The following ACTL6A variants were observed in gnomAD, a reference collection of about 807,000 sequenced individuals.
The protein encoded by ACTL6A is actin-like protein 6A.
A neutral mutation model predicts 59.2 loss-of-function variants in ACTL6A; 5 were observed. The observed-to-expected ratio is 0.08, with a 90% CI of 0.04 to 0.18. The LOEUF (loss-of-function observed/expected upper bound fraction) is 0.18, where lower values mean the gene tolerates loss of function less well. Among genes scored for constraint, ACTL6A ranks in the 10% least tolerant of loss-of-function variants. The pLI, the probability that ACTL6A is intolerant of heterozygous loss-of-function variation, is 1.00. For synonymous variants in ACTL6A, 154 were observed against 171.8 expected (o/e 0.90, Z 0.81); for missense variants, 285 against 526.9 (o/e 0.54, Z 4.49).
intron 5 of ACTL6A, 60 bp downstream of exon 5, chr3:179,574,527 T>C (rs1718108581): frequency 8.3e-7 from 1 of 1,207,802 alleles, no homozygotes; most frequent in Non-Finnish European, 1.2e-6. Context: ...ATGAATATGA[T>C]AACTCTGGGA....
chr3:179,585,408 CTAA>C (rs1410483634), intron 12 of ACTL6A, among the ~76,000 whole-genome samples: 1 of 152,110 alleles, frequency 6.6e-6, no homozygotes, highest in Non-Finnish European at 1.5e-5. Context: ...GTCTATAATA[CTAA>C]TGATTAGATT....
chr3:179,568,263 T>G (rs1172355792), intron 1 of ACTL6A, among the ~76,000 whole-genome samples: 3 of 152,128 alleles, frequency 2.0e-5, no homozygotes, highest in African/African-American at 7.2e-5. Context: ...TTTAAAAATT[T>G]TAAGTTTTTG....
chr3:179,565,470 GTATATAT>G (rs544338849), intron 1 of ACTL6A, among the ~76,000 whole-genome samples: 278 of 148,906 alleles, frequency 1.9e-3, no homozygotes, highest in African/African-American at 6.3e-3. Flanking sequence ...CATATATGTT[GTATATAT>G]TATATATTAT....
chr3:179,571,640 C>T (rs1718011865), intron 3 of ACTL6A, among the ~76,000 whole-genome samples: 1 of 152,172 alleles, frequency 6.6e-6, no homozygotes, highest in Non-Finnish European at 1.5e-5. Context: ...AGAGTCTTCT[C>T]ACAGTGGAGT....
intron 1 of ACTL6A, among the ~76,000 whole-genome samples, chr3:179,565,084 G>A (rs983202315): frequency 3.3e-5 from 5 of 152,082 alleles, no homozygotes; most frequent in African/African-American, 1.2e-4. Flanking sequence ...GGTGCATCAT[G>A]TAGTTGATAG....
chr3:179,580,000 T>G (rs1008416107), intron 8 of ACTL6A, among the ~76,000 whole-genome samples: 1 of 152,176 alleles, frequency 6.6e-6, no homozygotes, highest in African/African-American at 2.4e-5. Context: ...CTTGAACTCC[T>G]GGCCTCAAGC....
chr3:179,572,676 G>A (rs1168035349), intron 3 of ACTL6A, among the ~76,000 whole-genome samples: 3 of 152,052 alleles, frequency 2.0e-5, no homozygotes, highest in African/African-American at 7.2e-5. Context: ...ACGGTGGCGG[G>A]CACCTGTAAT....
intron 7 of ACTL6A, 43 bp from the exon 8 acceptor site, chr3:179,576,781 A>G (rs535487799): frequency 1.4e-5 from 22 of 1,609,656 alleles, no homozygotes; most frequent in South Asian, 1.1e-4. Context: ...CCCCACCCCT[A>G]TGAAGTGAAC....
rs779993220 is a variant in ACTL6A, at chr3:179,570,237, G to A, written c.273G>A (p.Gly91=). ...NMEAISPLKN[G]MVEDWDSFQA... is the part of the protein sequence containing the mutation. Reference sequence around the variant, plus strand: ...AGGCCATTTCACCTCTAAAAAATGGGATGGGTATGATGTTTTCCCCATGGA... The same window carrying A: ...AGGCCATTTCACCTCTAAAAAATGGAATGGGTATGATGTTTTCCCCATGGA... The change falls in exon 3 of 14, where the codon GGG becomes GGA. Residue 91 remains glycine, a synonymous_variant. Transcript: ENST00000429709. The surrounding 1 kb of genome is among the most constrained non-coding windows in gnomAD (Gnocchi z 4.3). 4 of 1,611,010 alleles carry A rather than the reference G, an allele frequency of 2.5e-6. No homozygotes were observed. In the Admixed American group the frequency reaches 5.1e-5, roughly 20 times the overall value.
intron 1 of ACTL6A, among the ~76,000 whole-genome samples, chr3:179,568,168 C>T (rs1717894826): frequency 6.9e-6 from 1 of 144,980 alleles, no homozygotes; most frequent in African/African-American, 2.6e-5. Flanking sequence ...CAGCAAGACT[C>T]CGTGTCAAAA....
Position 179,569,856 on chromosome 3 carries a change from T to A in ACTL6A, c.58T>A (p.Ser20Thr), listed in dbSNP as rs1717949572. 3 of 1,614,196 alleles carry A rather than the reference T, an allele frequency of 1.9e-6. No individual in the cohort carries two copies. The East Asian group carries it at 6.7e-5, about 36-fold the overall frequency. Residue 20 changes from serine to threonine, a missense_variant, in exon 2 of 14, where the codon TCC becomes ACC. Coordinates refer to ENST00000429709, the MANE Select transcript of ACTL6A (RefSeq NM_004301.5). ...TGGAGCCCTTGTTTTTGACATTGGA[T>A]CCTATACTGTGAGAGCTGGTTATGC... ...EVGALVFDIG[S>T]YTVRAGYAGE...
intron 8 of ACTL6A, among the ~76,000 whole-genome samples, chr3:179,577,876 T>C (rs191422295): frequency 2.3e-4 from 35 of 152,210 alleles, no homozygotes; most frequent in Admixed American, 1.1e-3. Flanking sequence ...ATTTTCTTAA[T>C]CCAGTCTTCC....
At chr3:179,583,500 T>C in intron 12 of ACTL6A, 52 bp downstream of exon 12, 1 of 1,432,792 alleles carries the variant, frequency 7.0e-7, no homozygotes, top group Non-Finnish European at 9.8e-7. Flanking sequence ...ATTTCCTCAC[T>C]GATGGTGTAA....
At chr3:179,577,816 CTT>C (rs539879595) in intron 8 of ACTL6A, among the ~76,000 whole-genome samples, 16 of 137,832 alleles carry the variant, frequency 1.2e-4, no homozygotes, top group Non-Finnish European at 1.4e-4. Context: ...TGATCTCATT[CTT>C]TTTTTTTTTT....
chr3:179,566,775 C>T lies in ACTL6A; in HGVS notation c.26-3049C>T, dbSNP rs561503616. Among the ~76,000 whole-genome samples the T allele has an allele frequency of 4.6e-5, 7 of 152,254 alleles. No homozygotes were observed. The South Asian group carries it at 1.0e-3, about 23-fold the overall frequency. Reference sequence around the variant, plus strand: ...CACGATCTCAGCTCGTTGCAGCCTCCGCCTGCCGGGTTCAAGCAATTCTCC... The same window carrying T: ...CACGATCTCAGCTCGTTGCAGCCTCTGCCTGCCGGGTTCAAGCAATTCTCC... On this transcript the variant is annotated intron_variant, in intron 1 of 13. Coordinates refer to ENST00000429709, the MANE Select transcript of ACTL6A (RefSeq NM_004301.5).
rs77411755 is a variant in ACTL6A at position 179,568,805 on chromosome 3, A to G, written c.26-1019A>G. 3.6e-3 allele frequency among the ~76,000 whole-genome samples: 542 copies of G among 152,262 alleles called. 8 individuals carry two copies. In the East Asian group the frequency reaches 0.047, roughly 13 times the overall value. On this transcript the variant is annotated intron_variant, in intron 1 of 13. Transcript: ENST00000429709. ...ATTATAATAGCAGCTTACACTTAGC[A>G]TGTGTATTTTCTAAGACTTCATATA...
intron 1 of ACTL6A, among the ~76,000 whole-genome samples, chr3:179,569,178 A>G (rs960065590): frequency 2.0e-5 from 3 of 152,224 alleles, no homozygotes; most frequent in African/African-American, 7.2e-5. Flanking sequence ...AGGGTAATCC[A>G]TGGCTAACTG....
intron 5 of ACTL6A, among the ~76,000 whole-genome samples, chr3:179,575,898 T>G (rs1426227610): frequency 6.6e-6 from 1 of 152,250 alleles, no homozygotes; most frequent in Non-Finnish European, 1.5e-5. Flanking sequence ...CTCAGTTTGT[T>G]GTAAGCTCTT....
chr3:179,583,175 T>C, intron 11 of ACTL6A, 178 bp from the exon 12 acceptor site: 1 of 443,338 alleles, frequency 2.3e-6, no homozygotes, highest in Non-Finnish European at 4.0e-6. Flanking sequence ...TTAGATGAGT[T>C]GAATGTACAG....
Sources: gnomAD v4.1 joint callset for allele counts (sites outside exome capture counted in the v4.1 genomes callset) on GRCh38, gnomAD v4.1.1 for gene constraint, Gnocchi (gnomAD v3.1) non-coding constraint, MANE v1.5 for transcripts, NCBI Gene and HGNC (gene_info 2026-07-23, HGNC 2026-07-21) for gene names.